Variants in ASIC5 observed in about 807,000 individuals in gnomAD.
ASIC5 encodes the protein acid sensing ion channel subunit family member 5.
In ASIC5, 52 loss-of-function variants were observed where a neutral mutation model predicts 51.2. The ratio of observed to expected loss-of-function variants is 1.02; its 90% CI spans 0.81 to 1.28. ASIC5 has a LOEUF of 1.28. Among genes scored for constraint, ASIC5 ranks in the 50% most tolerant of loss-of-function variants. The pLI, the probability that ASIC5 is intolerant of heterozygous loss-of-function variation, is 0.00. For missense variants in ASIC5, 635 were observed against 595.0 expected (o/e 1.07, Z -0.70); for synonymous variants, 231 against 200.7 (o/e 1.15, Z -1.28).
intron 8 of ASIC5, 48 bp downstream of exon 8, chr4:155,836,641 A>AC (rs1254283245): frequency 7.8e-7 from 1 of 1,289,068 alleles, no homozygotes; most frequent in Non-Finnish European, 1.1e-6. Flanking sequence ...AATAAAGAAA[A>AC]AAAAATCTAT....
At chr4:155,848,193 T>A (rs1166766789) in intron 4 of ASIC5, among the ~76,000 whole-genome samples, 1 of 152,082 alleles carries the variant, frequency 6.6e-6, no homozygotes, top group Non-Finnish European at 1.5e-5. Flanking sequence ...GTTATCACTT[T>A]GGTTAAATGA....
At chr4:155,858,066 A>T (rs543778826) in intron 2 of ASIC5, among the ~76,000 whole-genome samples, 1 of 152,266 alleles carries the variant, frequency 6.6e-6, no homozygotes, top group South Asian at 2.1e-4. Flanking sequence ...TTCTGATTTT[A>T]GTGGAAGAAA....
intron 2 of ASIC5, among the ~76,000 whole-genome samples, chr4:155,859,202 C>T (rs1474092504): frequency 6.6e-6 from 1 of 151,960 alleles, no homozygotes; most frequent in Non-Finnish European, 1.5e-5. Context: ...TTTACTTTCA[C>T]AACTGGAACA....
intron 4 of ASIC5, among the ~76,000 whole-genome samples, chr4:155,844,893 A>G (rs1395050149): frequency 2.0e-5 from 3 of 152,050 alleles, no homozygotes; most frequent in African/African-American, 4.8e-5. Context: ...CCCCTGCTGC[A>G]TCTTGAGCAC....
intron 2 of ASIC5, among the ~76,000 whole-genome samples, chr4:155,856,826 T>C (rs1177681134): frequency 1.3e-5 from 2 of 152,036 alleles, no homozygotes; most frequent in Non-Finnish European, 2.9e-5. Context: ...TCAGAGCCAG[T>C]ATTCCCTGAA....
chr4:155,831,195 G>A (rs1740863765), intron 9 of ASIC5, among the ~76,000 whole-genome samples: 1 of 152,128 alleles, frequency 6.6e-6, no homozygotes, highest in African/African-American at 2.4e-5. Context: ...GGAGGTATGA[G>A]GTGGCTGACA....
chr4:155,845,406 GT>G (rs34139764), intron 4 of ASIC5, among the ~76,000 whole-genome samples: 17 of 145,304 alleles, frequency 1.2e-4, no homozygotes, highest in South Asian at 4.3e-4. Flanking sequence ...TTGAGCAAAA[GT>G]TTTTTTTTTC....
At chr4:155,859,555 A>G (rs185917445) in intron 2 of ASIC5, among the ~76,000 whole-genome samples, 2 of 152,146 alleles carry the variant, frequency 1.3e-5, no homozygotes, top group African/African-American at 4.8e-5. Context: ...CAAAAAAAGT[A>G]TAGAAATTGG....
intron 4 of ASIC5, 68 bp downstream of exon 4, chr4:155,852,123 T>C (rs981303348): frequency 5.1e-6 from 8 of 1,556,660 alleles, no homozygotes; most frequent in Middle Eastern, 1.7e-4. Context: ...TATGGCCCAA[T>C]AGTCTGATCA....
chr4:155,842,358 A>C lies in ASIC5; in HGVS notation c.862-4T>G. 1 of 1,606,944 alleles carries C rather than the reference A, an allele frequency of 6.2e-7. No individual in the cohort carries two copies. Among genetic ancestry groups the C allele is most frequent in the Non-Finnish European group, 8.5e-7 (1 of 1,175,098 alleles). On this transcript the variant is annotated splice_polypyrimidine_tract_variant and splice_region_variant and intron_variant, in intron 5 of 9. Transcript: ENST00000537611. The stretch of plus-strand genomic sequence containing the variant: ...AAGGGTATTCTTGATGAACTGTCTT[A>C]AGATAAGATAAATACTGGGTTCAGG...
intron 8 of ASIC5, 62 bp from the exon 9 acceptor site, chr4:155,831,977 C>T (rs1740882057): frequency 1.1e-5 from 9 of 846,964 alleles, no homozygotes; most frequent in Non-Finnish European, 1.3e-5. Flanking sequence ...TAATTCCCGT[C>T]GAATAAAGGT....
intron 6 of ASIC5, among the ~76,000 whole-genome samples, chr4:155,839,348 TACACACACACACACACAC>T (rs60209135): frequency 1.4e-5 from 2 of 147,336 alleles, no homozygotes; most frequent in African/African-American, 5.0e-5. Context: ...TCTATCCATT[TACACACACACACACACAC>T]ACACACACAC....
At chr4:155,854,446 G>C (rs1003982915) in intron 2 of ASIC5, 132 bp from the exon 3 acceptor site, 2 of 691,088 alleles carry the variant, frequency 2.9e-6, no homozygotes, top group African/African-American at 3.6e-5. Context: ...AGACATTTAA[G>C]CAAAATTTGA....
At chr4:155,831,331 T>C (rs758846380) in intron 9 of ASIC5, among the ~76,000 whole-genome samples, 17 of 152,260 alleles carry the variant, frequency 1.1e-4, no homozygotes, top group Non-Finnish European at 2.1e-4. Flanking sequence ...TAAAAGTCCA[T>C]GTGAGGTTGT....
At chr4:155,835,718 C>A (rs1425917165) in intron 8 of ASIC5, among the ~76,000 whole-genome samples, 1 of 152,152 alleles carries the variant, frequency 6.6e-6, no homozygotes, top group African/African-American at 2.4e-5. Flanking sequence ...AATTTTACAG[C>A]CTGTTTATCA....
chr4:155,860,610 A>G (rs368350891), intron 2 of ASIC5, among the ~76,000 whole-genome samples: 1 of 152,008 alleles, frequency 6.6e-6, no homozygotes, highest in Non-Finnish European at 1.5e-5. Context: ...TTTGTTCCCT[A>G]AGGAAGAATA....
rs541329655 is a variant in ASIC5, at chr4:155,857,957, C to A, written c.348-3643G>T. ...TTGCATCAAACAAATTTGAAATAAA[C>A]AAAGAATCACAGTGATTATAAACAT... On this transcript the variant is annotated intron_variant, in intron 2 of 9. Coordinates refer to ENST00000537611, the MANE Select transcript of ASIC5 (RefSeq NM_017419.3). Among the ~76,000 whole-genome samples the A allele has an allele frequency of 4.4e-3, 675 of 152,080 alleles. 4 individuals carry two copies. Among genetic ancestry groups the A allele is most frequent in the African/African-American group, 0.016 (650 of 41,538 alleles).
chr4:155,849,989 A>G (rs1169220538), intron 4 of ASIC5, among the ~76,000 whole-genome samples: 3 of 151,832 alleles, frequency 2.0e-5, no homozygotes, highest in African/African-American at 7.3e-5. Context: ...AGACTTTGCA[A>G]TCTGCTAAAA....
chr4:155,836,702 G>T lies in ASIC5; in HGVS notation c.1222C>A (p.Arg408=), dbSNP rs143910392. The T allele has an allele frequency of 2.2e-4, 347 of 1,606,062 alleles. 3 individuals are homozygous for T. In the African/African-American group the frequency reaches 4.2e-3, roughly 19 times the overall value. The change falls in exon 8 of 10, where the codon CGG becomes AGG. Residue 408 remains arginine, a synonymous_variant. Coordinates refer to ENST00000537611, the MANE Select transcript of ASIC5 (RefSeq NM_017419.3). ...TAGTAAGGTTACCTGATGTATTTCC[G>T]GCTTTGATTCAACTTCTTGGAAAGA... The part of the protein sequence containing the change: ...KYLSKKLNQS[R]KYIRENLVKI...
Sources: gnomAD v4.1 joint callset for allele counts (sites outside exome capture counted in the v4.1 genomes callset) on GRCh38, gnomAD v4.1.1 for gene constraint, MANE v1.5 for transcripts, NCBI Gene and HGNC (gene_info 2026-07-23, HGNC 2026-07-21) for gene names.